ZNF813: variants seen among roughly 807,000 people sequenced by gnomAD.
ZNF813 encodes the protein zinc finger protein 813.
ZNF813 carries 3 observed loss-of-function variants against 7.2 expected under a neutral mutation model. The observed-to-expected ratio is 0.42, with a 90% confidence interval of 0.19 to 1.08. The LOEUF (loss-of-function observed/expected upper bound fraction) is 1.08, where lower values mean the gene tolerates loss of function less well. ZNF813 is among the 50% of genes least tolerant of loss of function. The pLI, the probability that ZNF813 is intolerant of heterozygous loss-of-function variation, is 0.30. For synonymous variants in ZNF813, 227 were observed against 256.3 expected, an observed-to-expected ratio of 0.89 and a Z score of 1.09; for missense variants, 714 against 753.3, an observed-to-expected ratio of 0.95 and a Z score of 0.61.
intron 2 of ZNF813, among the ~76,000 whole-genome samples, chr19:53,484,278 T>G (rs1461025957): frequency 1.3e-5 from 2 of 152,222 alleles, no homozygotes; most frequent in Non-Finnish European, 2.9e-5. Context: ...TCTGCCTGAT[T>G]TTATAGTACA....
intron 2 of ZNF813, among the ~76,000 whole-genome samples, chr19:53,485,770 G>A (rs568553067): frequency 2.6e-5 from 4 of 151,976 alleles, no homozygotes; most frequent in East Asian, 1.9e-4. Flanking sequence ...GCACAGTGGC[G>A]TGATCTTAGC....
At chr19:53,479,676 A>T (rs1307468164) in intron 1 of ZNF813, 24 of 1,182,332 alleles carry the variant, frequency 2.0e-5, no homozygotes, top group Non-Finnish European at 2.9e-5. Context: ...CAGGAAATCC[A>T]ACTCAAAGAA....
In ZNF813 at chr19:53,493,925, T is replaced by C. The variant is rs67149430; in HGVS notation, c.*1839T>C. ...CGTTATCTACTCGTTGGTCATTTCA[T>C]GGATGGCCTTTCTATTGTTGAGGTA... On this transcript the variant is annotated 3_prime_UTR_variant, in exon 4 of 4. Coordinates refer to ENST00000396403, the MANE Select transcript of ZNF813 (RefSeq NM_001004301.4). 22,277 of 152,346 alleles carry C rather than the reference T, an allele frequency of 0.15. 1,643 individuals are homozygous for C. The highest frequency in any genetic ancestry group is 0.23 in the Middle Eastern group (67 of 294). The allele number at this position is 152,346 out of a possible 1,614,324, so 9.4% of individuals were successfully genotyped here. A position where few individuals can be genotyped will look rare whatever the true frequency, so the allele number is the denominator to read the frequency against.
intron 1 of ZNF813, among the ~76,000 whole-genome samples, chr19:53,472,693 A>G (rs1369943685): frequency 6.8e-6 from 1 of 147,820 alleles, no homozygotes. Context: ...GCTCACCACA[A>G]CCTCCACCTT....
intron 1 of ZNF813, among the ~76,000 whole-genome samples, chr19:53,476,437 C>G (rs188908223): frequency 1.3e-5 from 2 of 151,816 alleles, no homozygotes; most frequent in African/African-American, 4.8e-5. Flanking sequence ...AAGACCAGAC[C>G]GGCCAAGATG....
chr19:53,471,610 C>A (rs1353285738), intron 1 of ZNF813, among the ~76,000 whole-genome samples: 1 of 151,604 alleles, frequency 6.6e-6, no homozygotes, highest in African/African-American at 2.4e-5. Context: ...GAGATCAAGA[C>A]CATCCTGGCT....
intron 2 of ZNF813, among the ~76,000 whole-genome samples, chr19:53,485,601 T>C (rs368860505): frequency 2.7e-5 from 4 of 150,440 alleles, no homozygotes; most frequent in Non-Finnish European, 5.9e-5. Flanking sequence ...TATGTCATGA[T>C]ATATATCGTG....
chr19:53,471,705 G>A lies in ZNF813; in HGVS notation c.-74+3916G>A, dbSNP rs538598301. Among the ~76,000 whole-genome samples, 17 of 151,670 alleles carry A rather than the reference G, an allele frequency of 1.1e-4. No homozygotes were observed. In the South Asian group the frequency reaches 2.3e-3, roughly 21 times the overall value. Reference sequence around the variant, plus strand: ...CGGGCACCTGTAGTCCCAGCTACTCGGGAGGCTGAGGCAGGAGAATGGCGT... The same window carrying A: ...CGGGCACCTGTAGTCCCAGCTACTCAGGAGGCTGAGGCAGGAGAATGGCGT... On this transcript the variant is annotated intron_variant, in intron 1 of 3. Transcript: ENST00000396403.
chr19:53,481,188 G>A (rs923895924), intron 1 of ZNF813, among the ~76,000 whole-genome samples: 1 of 152,158 alleles, frequency 6.6e-6, no homozygotes, highest in South Asian at 2.1e-4. Context: ...TAGAAGCAAG[G>A]AAGCAGCAAG....
chr19:53,483,962 C>T (rs1411159220), intron 2 of ZNF813, 125 bp downstream of exon 2: 10 of 1,572,040 alleles, frequency 6.4e-6, no homozygotes, highest in Admixed American at 1.7e-5. Flanking sequence ...TTCACCCATG[C>T]CTTCCCTCAG....
rs560906729 is a variant in ZNF813 at position 53,492,948 on chromosome 19, G to A, written c.*862G>A. ...AGACATCAGAGAATGCACACTGGACGGAAATCTTACAAATGTCATCAGTGT... is the reference window on the plus strand; with the variant it reads ...AGACATCAGAGAATGCACACTGGACAGAAATCTTACAAATGTCATCAGTGT... On this transcript the variant is annotated 3_prime_UTR_variant, in exon 4 of 4. Transcript: ENST00000396403. The A allele has an allele frequency of 5.7e-5, 27 of 472,592 alleles. No homozygotes were observed. Among genetic ancestry groups the A allele is most frequent in the African/African-American group, 5.0e-4 (25 of 50,298 alleles). 29.3% of individuals were successfully genotyped at this position (472,592 alleles called of 1,614,324 possible). A position where few individuals can be genotyped will look rare whatever the true frequency, so the allele number is the denominator to read the frequency against.
chr19:53,473,568 G>C (rs1227526872), intron 1 of ZNF813, among the ~76,000 whole-genome samples: 1 of 152,204 alleles, frequency 6.6e-6, no homozygotes, highest in Non-Finnish European at 1.5e-5. Flanking sequence ...TTTAATAGCA[G>C]TGGGAGTGGA....
rs767773251 is a variant in ZNF813 at position 53,491,401 on chromosome 19, A to G, written c.1169A>G (p.Lys390Arg). ...EKPYKCNECG[K>R]TFSQELTLKC... ...CCTTATAAGTGTAATGAATGTGGCA[A>G]GACCTTCAGTCAGGAGTTAACCCTT... Residue 390 changes from lysine to arginine, a missense_variant, in exon 4 of 4, where the codon AAG (lysine) becomes AGG (arginine). Lys to Arg is a conservative substitution (Grantham distance 26). Coordinates refer to ENST00000396403, the MANE Select transcript of ZNF813 (RefSeq NM_001004301.4). The G allele has an allele frequency of 1.9e-6, 3 of 1,613,638 alleles. No homozygotes were observed. Among genetic ancestry groups the G allele is most frequent in the Middle Eastern group, 1.6e-4 (1 of 6,084 alleles).
rs10422163 is a variant in ZNF813 at position 53,491,548 on chromosome 19, A to T, written c.1316A>T (p.Tyr439Phe). 0.095 allele frequency: 153,879 copies of T among 1,613,566 alleles called. 8,263 individuals are homozygous for T. Among genetic ancestry groups the T allele is most frequent in the African/African-American group, 0.19 (13,923 of 74,924 alleles). Residue 439 changes from tyrosine (Y) to phenylalanine (F), a missense_variant, in exon 4 of 4, where the codon TAC becomes TTC. Tyr to Phe is a conservative substitution (Grantham distance 22, BLOSUM62 3). Around this residue, in one of 3 missense-constraint regions of ZNF813, gnomAD observed 563 missense variants for 554.2 expected, o/e 1.02. Transcript: ENST00000396403. ...AGACTTCATAGTGGAGAGAAACCCT[A>T]CAAGTGTACTGAGTGTGTCAAGACG... ...HHRLHSGEKP[Y>F]KCTECVKTFS... is the part of the protein sequence containing the mutation.
chr19:53,490,005 T>C (rs767901571), intron 3 of ZNF813, among the ~76,000 whole-genome samples: 26 of 152,256 alleles, frequency 1.7e-4, no homozygotes, highest in Non-Finnish European at 3.4e-4. Flanking sequence ...TAGCATTTAT[T>C]TGTATACAGC....
chr19:53,474,696 A>G (rs531703244), intron 1 of ZNF813, among the ~76,000 whole-genome samples: 14 of 152,040 alleles, frequency 9.2e-5, no homozygotes, highest in African/African-American at 3.4e-4. Flanking sequence ...CTCAAAAAAA[A>G]AACCAGAAAT....
At chr19:53,488,418 T>C in intron 3 of ZNF813, 1 of 303,848 alleles carries the variant, frequency 3.3e-6, no homozygotes, top group South Asian at 2.6e-5. Flanking sequence ...TTTTTTCTTT[T>C]TTTTTTTTGA....
chr19:53,491,009 G>A lies in ZNF813; in HGVS notation c.777G>A (p.Val259=), dbSNP rs1388968012. The change falls in exon 4 of 4, where the codon GTG becomes GTA. Residue 259 remains valine, a synonymous_variant. Transcript: ENST00000396403. ...GKVFNRKRNL[V]CHRRCHTGEK... ...TCTTTAATCGGAAGCGAAACCTAGT[G>A]TGCCATCGTAGATGTCACACTGGGG... The A allele has an allele frequency of 6.2e-7, 1 of 1,614,030 alleles. No individual in the cohort carries two copies. Among genetic ancestry groups the A allele is most frequent in the Non-Finnish European group, 8.5e-7 (1 of 1,180,036 alleles).
chr19:53,490,924 G>T lies in ZNF813; in HGVS notation c.692G>T (p.Arg231Met). The T allele has an allele frequency of 6.2e-7, 1 of 1,614,064 alleles. No homozygotes were observed. Among genetic ancestry groups the T allele is most frequent in the Non-Finnish European group, 8.5e-7 (1 of 1,179,998 alleles). ...GKAFNYSSLL[R>M]KHQIIHLGEK... is the part of the protein sequence containing the mutation. Reference sequence around the variant, plus strand: ...GCCTTTAATTATAGCTCACTCTTAAGGAAACATCAAATAATCCATTTAGGA... The same window carrying T: ...GCCTTTAATTATAGCTCACTCTTAATGAAACATCAAATAATCCATTTAGGA... The change falls in exon 4 of 4, where the codon AGG becomes ATG. Residue 231 changes from arginine (R) to methionine (M), a missense_variant. By Grantham distance (91) the Arg-to-Met change is moderately conservative (BLOSUM62 -1). Coordinates refer to ENST00000396403, the MANE Select transcript of ZNF813 (RefSeq NM_001004301.4).
Sources: allele counts gnomAD v4.1 joint callset (sites outside exome capture counted in the v4.1 genomes callset), GRCh38; gene constraint gnomAD v4.1.1; regional missense constraint gnomAD v4.1.1; transcripts MANE v1.5; gene names NCBI Gene and HGNC (gene_info 2026-07-23, HGNC 2026-07-21).